The following CDK14 variants were observed in gnomAD, a reference collection of about 807,000 sequenced individuals.
CDK14 encodes cyclin-dependent kinase 14.
CDK14 carries 34 observed loss-of-function variants against 60.7 expected under a neutral mutation model. The ratio of observed to expected loss-of-function variants is 0.56; its 90% confidence interval spans 0.43 to 0.75. CDK14 has a LOEUF of 0.75. Ranked by LOEUF, CDK14 falls within the 30% of genes least tolerant of loss-of-function variation. The pLI is 0.00. For synonymous variants in CDK14, 197 were observed against 203.7 expected, an observed-to-expected ratio of 0.97 and a Z score of 0.28; for missense variants, 482 against 564.1, an observed-to-expected ratio of 0.85 and a Z score of 1.47.
intron 2 of CDK14, among the ~76,000 whole-genome samples, chr7:90,648,869 T>C (rs562640816): frequency 6.6e-6 from 1 of 152,328 alleles, no homozygotes; most frequent in Non-Finnish European, 1.5e-5. Flanking sequence ...TTCCAACTTA[T>C]TTTTATTCAG....
chr7:91,047,564 A>G (rs1235163007), intron 11 of CDK14, among the ~76,000 whole-genome samples: 1 of 152,222 alleles, frequency 6.6e-6, no homozygotes, highest in African/African-American at 2.4e-5. Flanking sequence ...GACATTATGT[A>G]TGTGACTCCT....
At chr7:91,156,333 T>G (rs1340829372) in intron 14 of CDK14, among the ~76,000 whole-genome samples, 1 of 152,266 alleles carries the variant, frequency 6.6e-6, no homozygotes, top group African/African-American at 2.4e-5. Flanking sequence ...TTCATTAAAT[T>G]TGGCTTAAAC....
At chr7:91,075,846 GATGA>G (rs1329173925) in intron 11 of CDK14, among the ~76,000 whole-genome samples, 1 of 152,038 alleles carries the variant, frequency 6.6e-6, no homozygotes, top group Admixed American at 6.6e-5. Context: ...AGAGACAAAT[GATGA>G]ATGAACTCTT....
At chr7:90,918,376 C>T (rs1364089840) in intron 8 of CDK14, among the ~76,000 whole-genome samples, 1 of 152,176 alleles carries the variant, frequency 6.6e-6, no homozygotes, top group African/African-American at 2.4e-5. Flanking sequence ...GTCATTCCTT[C>T]CTTAGAAGTC....
intron 4 of CDK14, among the ~76,000 whole-genome samples, chr7:90,769,916 G>A (rs142023690): frequency 1.3e-5 from 2 of 152,234 alleles, no homozygotes; most frequent in Non-Finnish European, 2.9e-5. Context: ...AAGCCAACTT[G>A]TGTGAAAGGC....
At chr7:91,096,298 G>A (rs185993104) in intron 12 of CDK14, among the ~76,000 whole-genome samples, 5 of 152,200 alleles carry the variant, frequency 3.3e-5, no homozygotes, top group African/African-American at 9.6e-5. Context: ...TTCTATCTCT[G>A]ATCACTGGCT....
At chr7:91,038,785 A>C (rs1487987946) in intron 10 of CDK14, among the ~76,000 whole-genome samples, 1 of 151,966 alleles carries the variant, frequency 6.6e-6, no homozygotes, top group Non-Finnish European at 1.5e-5. Flanking sequence ...AATGAGTCCC[A>C]TGACATCTGA....
intron 5 of CDK14, among the ~76,000 whole-genome samples, chr7:90,818,187 T>A (rs1003299154): frequency 3.9e-5 from 6 of 152,196 alleles, no homozygotes; most frequent in African/African-American, 1.2e-4. Flanking sequence ...TAACTGTGAA[T>A]GTGTTAGAAA....
At chr7:91,125,625 A>G (rs1799918057) in intron 14 of CDK14, among the ~76,000 whole-genome samples, 1 of 152,184 alleles carries the variant, frequency 6.6e-6, no homozygotes, top group East Asian at 1.9e-4. Flanking sequence ...AGATAACATC[A>G]TAGATTAATC....
intron 14 of CDK14, among the ~76,000 whole-genome samples, chr7:91,200,749 G>A (rs1268257335): frequency 1.3e-5 from 2 of 152,154 alleles, no homozygotes; most frequent in East Asian, 3.8e-4. Flanking sequence ...TTGAATGCTA[G>A]TTTAAAAGGC....
intron 14 of CDK14, among the ~76,000 whole-genome samples, chr7:91,198,758 G>A (rs573480977): frequency 4.6e-5 from 7 of 152,164 alleles, no homozygotes; most frequent in African/African-American, 1.2e-4. Flanking sequence ...GTTCAAAGTC[G>A]TAGGTGACTG....
At chr7:91,115,561 G>C (rs1334543873) in intron 13 of CDK14, among the ~76,000 whole-genome samples, 1 of 152,178 alleles carries the variant, frequency 6.6e-6, no homozygotes, top group African/African-American at 2.4e-5. Flanking sequence ...CATTCTTAAA[G>C]ATGGCTCATA....
At chr7:91,131,491 A>G (rs1800116188) in intron 14 of CDK14, among the ~76,000 whole-genome samples, 1 of 152,124 alleles carries the variant, frequency 6.6e-6, no homozygotes, top group African/African-American at 2.4e-5. Flanking sequence ...AGAACTCTAA[A>G]TGGTTACTGA....
rs1394415873 is a variant in CDK14, at chr7:90,686,970, A to G, written c.124-39597A>G. ...GCAAATTGTTTGTGAACTAAAGACC[A>G]GAGAGGAATAAAAGACTTAAAAACT... On this transcript the variant is annotated intron_variant, in intron 2 of 14. Transcript: ENST00000380050. 2.6e-5 allele frequency among the ~76,000 whole-genome samples: 4 copies of G among 152,294 alleles called. No homozygotes were observed. The East Asian group carries it at 7.7e-4, about 29-fold the overall frequency.
At chr7:90,985,901 C>T (rs1795360907) in intron 10 of CDK14, among the ~76,000 whole-genome samples, 1 of 151,988 alleles carries the variant, frequency 6.6e-6, no homozygotes, top group African/African-American at 2.4e-5. Context: ...AATTCCCACA[C>T]ACAAATGTTA....
chr7:90,933,828 A>G (rs1793667070), intron 8 of CDK14, among the ~76,000 whole-genome samples: 1 of 152,266 alleles, frequency 6.6e-6, no homozygotes, highest in Non-Finnish European at 1.5e-5. Context: ...TTTGCTGTGT[A>G]GCCATGAGCA....
At chr7:91,175,752 G>C (rs1399368856) in intron 14 of CDK14, among the ~76,000 whole-genome samples, 7 of 148,518 alleles carry the variant, frequency 4.7e-5, no homozygotes, top group African/African-American at 1.7e-4. Context: ...TCAACAAGAA[G>C]AGCTAACTAT....
intron 12 of CDK14, among the ~76,000 whole-genome samples, chr7:91,099,275 G>A (rs1285679936): frequency 1.3e-5 from 2 of 151,982 alleles, no homozygotes; most frequent in African/African-American, 2.4e-5. Flanking sequence ...GGATAATTTG[G>A]ACTAAATATT....
chr7:90,894,407 G>A (rs749798730), intron 6 of CDK14, among the ~76,000 whole-genome samples: 11 of 152,110 alleles, frequency 7.2e-5, no homozygotes, highest in South Asian at 2.1e-4. Flanking sequence ...TGATGTGTGC[G>A]CATACACATA....
Sources: gnomAD v4.1 joint callset for allele counts (sites outside exome capture counted in the v4.1 genomes callset) on GRCh38, gnomAD v4.1.1 for gene constraint, MANE v1.5 for transcripts, NCBI Gene and HGNC (gene_info 2026-07-23, HGNC 2026-07-21) for gene names.